AIFM1: variants seen among roughly 807,000 people sequenced by gnomAD.
The protein encoded by AIFM1 is apoptosis inducing factor mitochondria associated 1.
In AIFM1, 3 loss-of-function variants were observed where a neutral mutation model predicts 51.7. That is an observed-to-expected ratio of 0.06 (90% confidence interval 0.03 to 0.15). The LOEUF (loss-of-function observed/expected upper bound fraction) is 0.15. Ranked by LOEUF, AIFM1 falls within the 10% of genes least tolerant of loss-of-function variation. The pLI is 1.00. For synonymous variants in AIFM1, 178 were observed against 179.4 expected (o/e 0.99, Z 0.06); for missense variants, 330 against 476.8 (o/e 0.69, Z 2.87).
Position 130,136,258 on chromosome X carries a change from T to C in AIFM1, c.1165-73A>G, listed in dbSNP as rs757030364. ...ATGCCTACAGGCGTAACAATGGCCC[T>C]TCATGCCATTAAGAATTGGGACTTT... On this transcript the variant is annotated intron_variant, in intron 11 of 15. Coordinates refer to ENST00000287295, the MANE Select transcript of AIFM1 (RefSeq NM_004208.4). 1.3e-5 allele frequency: 14 copies of C among 1,105,662 alleles called. No individual in the cohort carries two copies. In the Admixed American group the frequency reaches 2.9e-4, roughly 23 times the overall value. 91.1% of individuals were successfully genotyped at this position (1,105,662 alleles called of 1,213,427 possible).
chrX:130,134,427 T>C (rs769045798), intron 12 of AIFM1, among the ~76,000 whole-genome samples: 45 of 110,881 alleles, frequency 4.1e-4, no homozygotes, highest in African/African-American at 1.4e-3. Flanking sequence ...CACCTAGAAA[T>C]GTTTTCTTAG....
At chrX:130,149,062 C>T (rs1642735564) in intron 3 of AIFM1, among the ~76,000 whole-genome samples, 1 of 106,316 alleles carries the variant, frequency 9.4e-6, no homozygotes, top group African/African-American at 3.4e-5. Flanking sequence ...CCAGGGATTA[C>T]AGGCGTGCAC....
intron 1 of AIFM1, among the ~76,000 whole-genome samples, chrX:130,163,999 CAA>C (rs34391937): frequency 3.4e-3 from 250 of 74,530 alleles, no homozygotes; most frequent in Admixed American, 4.2e-3. Flanking sequence ...ACTAAAAATA[CAA>C]AAAAAAAAAA....
chrX:130,134,414 T>A (rs586041), intron 12 of AIFM1, among the ~76,000 whole-genome samples: 52,293 of 109,437 alleles, frequency 0.48, 9,702 homozygotes, highest in African/African-American at 0.65. Context: ...TGTGACTGCC[T>A]CTCACCTAGA....
chrX:130,129,535 T>A lies in AIFM1; in HGVS notation c.*22A>T, dbSNP rs765578668. 3 of 1,201,518 alleles carry A rather than the reference T, an allele frequency of 2.5e-6. No homozygotes were observed. The East Asian group carries it at 8.9e-5, about 36-fold the overall frequency. On this transcript the variant is annotated 3_prime_UTR_variant, in exon 16 of 16. Coordinates refer to ENST00000287295, the MANE Select transcript of AIFM1 (RefSeq NM_004208.4). Reference sequence around the variant, plus strand: ...CCTCCTCTCAGGGGCTGCAGTGGGTTTGCCAATTCCACTGTGGGGCTTCAG... The same window carrying A: ...CCTCCTCTCAGGGGCTGCAGTGGGTATGCCAATTCCACTGTGGGGCTTCAG...
At position 130,144,589 on chromosome X, in the gene AIFM1, A is replaced by G. The variant is rs564022589; in HGVS notation, c.696+890T>C. Among the ~76,000 whole-genome samples the G allele has an allele frequency of 5.4e-5, 6 of 111,509 alleles. No individual in the cohort carries two copies. In the South Asian group the frequency reaches 2.3e-3, roughly 42 times the overall value. ...AGTCTGGTGAATGCCTCTTCATTCC[A>G]TAAGATTGCCCATTCTGTAAGACCT... On this transcript the variant is annotated intron_variant, in intron 6 of 15. Transcript: ENST00000287295.
chrX:130,164,617 G>T (rs747944042), intron 1 of AIFM1, among the ~76,000 whole-genome samples: 1 of 111,745 alleles, frequency 8.9e-6, no homozygotes, highest in South Asian at 3.7e-4. Context: ...ACGAAAAGAA[G>T]CAGGCTCAAG....
chrX:130,165,666 C>T lies in AIFM1; in HGVS notation c.-10G>A, dbSNP rs1457948379. On this transcript the variant is annotated 5_prime_UTR_variant, in exon 1 of 16. Transcript: ENST00000287295. ...CTCCACACCGGAACATTTCGGCGAC[C>T]GCTATTCGGGACCTCCTCCTTCCCT... 1 of 1,178,072 alleles carries T rather than the reference C, an allele frequency of 8.5e-7. No individual in the cohort carries two copies. Among genetic ancestry groups the T allele is most frequent in the South Asian group, 1.9e-5 (1 of 53,764 alleles).
chrX:130,140,162 T>C (rs944276884), intron 7 of AIFM1, among the ~76,000 whole-genome samples: 1 of 112,568 alleles, frequency 8.9e-6, no homozygotes, highest in Admixed American at 9.4e-5. Flanking sequence ...TCATGAGGAT[T>C]TGCCAGCTAG....
intron 6 of AIFM1, among the ~76,000 whole-genome samples, chrX:130,141,078 TGCACTCCA>T (rs755354891): frequency 8.9e-6 from 1 of 112,303 alleles, no homozygotes; most frequent in Non-Finnish European, 1.9e-5. Context: ...ATCATGCCAC[TGCACTCCA>T]GCCTGGGCAA....
In AIFM1 at chrX:130,158,061, G is replaced by C. The variant is rs1218165121; in HGVS notation, c.107-1458C>G. Among the ~76,000 whole-genome samples the C allele has an allele frequency of 8.2e-5, 9 of 110,393 alleles. No homozygotes were observed. In the East Asian group the frequency reaches 8.5e-4, roughly 10 times the overall value. ...GTGAATCACCTGAGGTTGGGAGTTA[G>C]AGACCAGCCTGACCAACATGGAGAA... is the stretch of plus-strand genomic sequence containing the variant. On this transcript the variant is annotated intron_variant, in intron 1 of 15. Coordinates refer to ENST00000287295, the MANE Select transcript of AIFM1 (RefSeq NM_004208.4).
Position 130,147,879 on chromosome X carries a change from G to A in AIFM1, c.350-3C>T. 1 of 1,211,143 alleles carries A rather than the reference G, an allele frequency of 8.3e-7. No individual in the cohort carries two copies. The highest frequency in any genetic ancestry group is 1.8e-5 in the South Asian group (1 of 56,956). ...AGGAACTTCCTCTCCTTCTGAAGCTGAAAGCAACAGAACAGACTGGATGAA... is the reference window on the plus strand; with the variant it reads ...AGGAACTTCCTCTCCTTCTGAAGCTAAAAGCAACAGAACAGACTGGATGAA... On this transcript the variant is annotated splice_polypyrimidine_tract_variant and splice_region_variant and intron_variant, in intron 3 of 15. Coordinates refer to ENST00000287295, the MANE Select transcript of AIFM1 (RefSeq NM_004208.4).
intron 9 of AIFM1, 73 bp downstream of exon 9, chrX:130,138,518 AAC>A: frequency 1.3e-6 from 1 of 745,946 alleles, no homozygotes. Flanking sequence ...GATCCTGCCA[AAC>A]ACATCTCTGG....
chrX:130,157,670 C>T (rs1373250277), intron 1 of AIFM1, among the ~76,000 whole-genome samples: 1 of 110,784 alleles, frequency 9.0e-6, no homozygotes, highest in African/African-American at 3.3e-5. Flanking sequence ...TTTTTTCAGC[C>T]GTTTAAAAAA....
In AIFM1 at chrX:130,149,455, A is replaced by AAGGGAGT. The variant is rs1246042539; in HGVS notation, c.349+13_349+14insACTCCCT. 1 of 1,184,348 alleles carries AAGGGAGT rather than the reference A, an allele frequency of 8.4e-7. No individual in the cohort carries two copies. Among genetic ancestry groups the AAGGGAGT allele is most frequent in the Admixed American group, 2.2e-5 (1 of 45,985 alleles). On this transcript the variant is annotated intron_variant, in intron 3 of 15. Transcript: ENST00000287295. ...TGAGTCTCAAATCATAGCAAGACTTAAGGGAATACTCACCAGATAACGCGG... is the reference window on the plus strand; with the variant it reads ...TGAGTCTCAAATCATAGCAAGACTTAAGGGAGTAGGGAATACTCACCAGATAACGCGG...
At chrX:130,137,817 CT>C (rs1330598598) in intron 9 of AIFM1, 15 of 857,784 alleles carry the variant, frequency 1.7e-5, no homozygotes, top group Non-Finnish European at 2.1e-5. Flanking sequence ...AATCCCAGCA[CT>C]TTGGGTGGCC....
chrX:130,147,873 G>A lies in AIFM1; in HGVS notation c.353C>T (p.Ser118Leu). 1 of 1,211,473 alleles carries A rather than the reference G, an allele frequency of 8.3e-7. No individual in the cohort carries two copies. Residue 118 changes from serine to leucine, a missense_variant, in exon 4 of 16, where the codon TCA (serine) becomes TTA (leucine). Transcript: ENST00000287295. The part of the protein sequence containing the change: ...QKQKKAALSA[S>L]EGEEVPQDKA... ...GTCTTGAGGAACTTCCTCTCCTTCT[G>A]AAGCTGAAAGCAACAGAACAGACTG...
At chrX:130,147,379 T>C (rs2030793923) in intron 5 of AIFM1, 114 bp downstream of exon 5, 2 of 945,097 alleles carry the variant, frequency 2.1e-6, no homozygotes, top group African/African-American at 1.9e-5. Flanking sequence ...CAGTAGACTC[T>C]AGTGGACAGC....
At chrX:130,144,916 G>A (rs924764405) in intron 6 of AIFM1, among the ~76,000 whole-genome samples, 9 of 111,905 alleles carry the variant, frequency 8.0e-5, no homozygotes, top group Non-Finnish European at 1.7e-4. Flanking sequence ...CACTTATGCT[G>A]TGTATCTCAT....
Sources: gnomAD v4.1 joint callset for allele counts (sites outside exome capture counted in the v4.1 genomes callset) on GRCh38, gnomAD v4.1.1 for gene constraint, MANE v1.5 for transcripts, NCBI Gene and HGNC (gene_info 2026-07-23, HGNC 2026-07-21) for gene names.